The following TNFAIP8L3 variants were observed in gnomAD, a reference collection of about 807,000 sequenced individuals.
The protein encoded by TNFAIP8L3 is tumor necrosis factor alpha-induced protein 8-like protein 3.
Under a neutral mutation model 11.8 loss-of-function variants are expected in TNFAIP8L3, and 7 were observed. The observed-to-expected ratio is 0.59, with a 90% CI of 0.34 to 1.11. TNFAIP8L3 has a LOEUF of 1.11. Among genes scored for constraint, TNFAIP8L3 ranks in the 50% most tolerant of loss-of-function variants. TNFAIP8L3 has a pLI of 0.03. For synonymous variants in TNFAIP8L3, 98 were observed against 103.8 expected (o/e 0.94, Z 0.34); for missense variants, 219 against 258.6 (o/e 0.85, Z 1.05).
At position 51,056,912 on chromosome 15, in the gene TNFAIP8L3, T is replaced by C. The variant is rs1294431697; in HGVS notation, c.*969A>G. On this transcript the variant is annotated 3_prime_UTR_variant, in exon 2 of 2. Coordinates refer to ENST00000637513, the MANE Select transcript of TNFAIP8L3 (RefSeq NM_001311175.2). ...CCTCTTTTTAAAAAAATTATTATTA[T>C]TATTATTATTTTTTAGAGACAGAGT... 6.6e-6 allele frequency: 1 copy of C among 150,462 alleles called. No individual in the cohort carries two copies. The highest frequency in any genetic ancestry group is 2.5e-5 in the African/African-American group (1 of 40,080). 9.3% of individuals were successfully genotyped at this position (150,462 alleles called of 1,614,324 possible).
At chr15:51,065,585 A>G (rs1276889916) in intron 1 of TNFAIP8L3, among the ~76,000 whole-genome samples, 1 of 152,192 alleles carries the variant, frequency 6.6e-6, no homozygotes, top group African/African-American at 2.4e-5. Context: ...TGGTTATAAA[A>G]CATGACAGGC....
chr15:51,069,637 T>A (rs2140968026), intron 1 of TNFAIP8L3: 1 of 152,322 alleles, frequency 6.6e-6, no homozygotes, highest in South Asian at 2.1e-4. Context: ...ATGTCAGAGA[T>A]AAGGACAACT....
chr15:51,093,126 GA>G (rs773161245), intron 1 of TNFAIP8L3, among the ~76,000 whole-genome samples: 1 of 152,232 alleles, frequency 6.6e-6, no homozygotes, highest in Non-Finnish European at 1.5e-5. Flanking sequence ...TATAGTCACA[GA>G]AACATACAGG....
Position 51,056,853 on chromosome 15 carries a change from A to T in TNFAIP8L3, c.*1028T>A, listed in dbSNP as rs1310610996. 1 of 151,846 alleles carries T rather than the reference A, an allele frequency of 6.6e-6. No homozygotes were observed. Among genetic ancestry groups the T allele is most frequent in the Non-Finnish European group, 1.5e-5 (1 of 67,980 alleles). 9.4% of individuals were successfully genotyped at this position (151,846 alleles called of 1,614,324 possible). ...CCCATGGAAAGTTTCCCTCTGCAGG[A>T]TCATCAACCTGAACATCTAAGACCT... On this transcript the variant is annotated 3_prime_UTR_variant, in exon 2 of 2. Coordinates refer to ENST00000637513, the MANE Select transcript of TNFAIP8L3 (RefSeq NM_001311175.2).
At chr15:51,089,101 C>CT (rs889061878) in intron 1 of TNFAIP8L3, among the ~76,000 whole-genome samples, 2 of 152,170 alleles carry the variant, frequency 1.3e-5, no homozygotes, top group African/African-American at 4.8e-5. Context: ...TCCCTTCCCC[C>CT]TTTTTTCCCT....
intron 1 of TNFAIP8L3, among the ~76,000 whole-genome samples, chr15:51,066,296 G>A (rs2065271344): frequency 6.6e-6 from 1 of 151,886 alleles, no homozygotes; most frequent in South Asian, 2.1e-4. Context: ...CCGAGTAGCT[G>A]GGACTACAGG....
intron 1 of TNFAIP8L3, among the ~76,000 whole-genome samples, chr15:51,092,262 C>T (rs751178607): frequency 1.2e-4 from 18 of 152,242 alleles, no homozygotes; most frequent in Non-Finnish European, 2.2e-4. Flanking sequence ...CTCTGCTGTA[C>T]TTCTCAGTTA....
At chr15:51,064,870 T>C (rs2140965144) in intron 1 of TNFAIP8L3, 1 of 152,330 alleles carries the variant, frequency 6.6e-6, no homozygotes, top group East Asian at 1.9e-4. Flanking sequence ...ACAAGTGTGC[T>C]TGGGATATTT....
At chr15:51,070,682 A>G (rs1408472810) in intron 1 of TNFAIP8L3, among the ~76,000 whole-genome samples, 2 of 151,816 alleles carry the variant, frequency 1.3e-5, no homozygotes, top group African/African-American at 2.4e-5. Context: ...ACAAACATCA[A>G]TTAGTTTAAA....
chr15:51,099,735 C>T (rs1209619511), upstream of TNFAIP8L3, among the ~76,000 whole-genome samples: 1 of 152,128 alleles, frequency 6.6e-6, no homozygotes, highest in Non-Finnish European at 1.5e-5. Flanking sequence ...CAGTGCCTTC[C>T]CATATTCCTG....
rs78155118 is a variant in TNFAIP8L3, at chr15:51,081,813, C to T, written c.52+12731G>A. Among the ~76,000 whole-genome samples, 1,375 of 152,298 alleles carry T rather than the reference C, an allele frequency of 9.0e-3. 12 individuals carry two copies. The highest frequency in any genetic ancestry group is 0.016 in the Non-Finnish European group (1,058 of 68,034). On this transcript the variant is annotated intron_variant, in intron 1 of 1. Transcript: ENST00000637513. ...TTGGTAGCAGCCCTTGTGCTTACCA[C>T]GCTTGCTGGTCTTAGGATGAGCTAT...
chr15:51,095,238 GGGGAGCGGGGAATAAGGGAA>G (rs869195737), upstream of TNFAIP8L3, among the ~76,000 whole-genome samples: 200 of 94,932 alleles, frequency 2.1e-3, 3 homozygotes, highest in African/African-American at 5.8e-3. Context: ...AATAAGGGAA[GGGGAGCGGGGAATAAGGGAA>G]GGGAGCGGGG....
intron 1 of TNFAIP8L3, among the ~76,000 whole-genome samples, chr15:51,068,312 T>C (rs1193699354): frequency 6.6e-6 from 1 of 152,052 alleles, no homozygotes; most frequent in Non-Finnish European, 1.5e-5. Flanking sequence ...GTAGGGAAGA[T>C]GAATTCATCC....
chr15:51,093,032 T>G lies in TNFAIP8L3; in HGVS notation c.52+1512A>C, dbSNP rs186735763. On this transcript the variant is annotated intron_variant, in intron 1 of 1. Transcript: ENST00000637513. ...CCCCTTCCCGCTTGCGCTCTCGAAA[T>G]AGATACACACAAAACATCTACTGGA... Among the ~76,000 whole-genome samples the G allele has an allele frequency of 2.4e-4, 37 of 152,284 alleles. 1 individual carries two copies. The East Asian group carries it at 7.1e-3, about 29-fold the overall frequency.
chr15:51,088,142 T>C (rs919545261), intron 1 of TNFAIP8L3, among the ~76,000 whole-genome samples: 1 of 151,878 alleles, frequency 6.6e-6, no homozygotes, highest in African/African-American at 2.4e-5. Context: ...GTTATTTATG[T>C]AGTGTCTTTA....
chr15:51,065,075 T>A (rs2065261814), intron 1 of TNFAIP8L3, among the ~76,000 whole-genome samples: 1 of 152,246 alleles, frequency 6.6e-6, no homozygotes, highest in African/African-American at 2.4e-5. Flanking sequence ...TTGTTTATAG[T>A]ACTTCGGAAT....
Position 51,094,795 on chromosome 15 carries a change from G to C in TNFAIP8L3, c.-200C>G. ...CCGCCGCGCCCCGCTCCCCGCGCCC[G>C]CCGGCCGGTGCCTGCGCGCGAGGCG... On this transcript the variant is annotated 5_prime_UTR_variant, in exon 1 of 2. Coordinates refer to ENST00000637513, the MANE Select transcript of TNFAIP8L3 (RefSeq NM_001311175.2). The surrounding 1 kb of genome is among the most constrained non-coding windows in gnomAD (Gnocchi z 4.4). The C allele has an allele frequency of 1.4e-6, 1 of 731,112 alleles. No homozygotes were observed. The highest frequency in any genetic ancestry group is 1.7e-6 in the Non-Finnish European group (1 of 600,296). The allele number at this position is 731,112 out of a possible 1,614,324, so 45.3% of individuals were successfully genotyped here.
chr15:51,102,222 G>C (rs1455696542), intron 1 of TNFAIP8L3, among the ~76,000 whole-genome samples: 2 of 152,130 alleles, frequency 1.3e-5, no homozygotes, highest in Non-Finnish European at 2.9e-5. Flanking sequence ...CTATTCCCCA[G>C]ACAGGCATGC....
Position 51,094,788 on chromosome 15 carries a change from C to G in TNFAIP8L3, c.-193G>C, listed in dbSNP as rs990647963. On this transcript the variant is annotated 5_prime_UTR_variant, in exon 1 of 2. Transcript: ENST00000637513. The surrounding 1 kb of genome is among the most constrained non-coding windows in gnomAD (Gnocchi z 4.4). ...GCGAGCGCCGCCGCGCCCCGCTCCC[C>G]GCGCCCGCCGGCCGGTGCCTGCGCG... The G allele has an allele frequency of 2.4e-6, 2 of 825,874 alleles. No individual in the cohort carries two copies. The highest frequency in any genetic ancestry group is 1.2e-4 in the East Asian group (1 of 8,054). The allele number at this position is 825,874 out of a possible 1,614,324, so 51.2% of individuals were successfully genotyped here. A position where few individuals can be genotyped will look rare whatever the true frequency, so the allele number is the denominator to read the frequency against.
Sources: allele counts gnomAD v4.1 joint callset (sites outside exome capture counted in the v4.1 genomes callset), GRCh38; gene constraint gnomAD v4.1.1; non-coding constraint Gnocchi (gnomAD v3.1); transcripts MANE v1.5; gene names NCBI Gene and HGNC (gene_info 2026-07-23, HGNC 2026-07-21).